Variants in PEBP4 observed in about 807,000 individuals in gnomAD.
PEBP4 encodes phosphatidylethanolamine binding protein 4.
Under a neutral mutation model 23.9 loss-of-function variants are expected in PEBP4, and 22 were observed. The ratio of observed to expected loss-of-function variants is 0.92; its 90% CI spans 0.66 to 1.31. The LOEUF is 1.31. PEBP4 is among the 40% of genes most tolerant of loss of function. The pLI, the probability that PEBP4 is intolerant of heterozygous loss-of-function variation, is 0.00. For missense variants in PEBP4, 324 were observed against 281.7 expected, an observed-to-expected ratio of 1.15 and a Z score of -1.07; for synonymous variants, 112 against 99.3, an observed-to-expected ratio of 1.13 and a Z score of -0.76.
At chr8:22,725,069 G>A (rs551624265) in intron 5 of PEBP4, 113 bp from the exon 6 acceptor site, 12 of 706,840 alleles carry the variant, frequency 1.7e-5, no homozygotes, top group East Asian at 7.7e-5. Flanking sequence ...ATCAGCACTC[G>A]GCCCTGCAAA....
chr8:22,905,646 T>C (rs746270302), intron 3 of PEBP4, among the ~76,000 whole-genome samples: 8 of 152,210 alleles, frequency 5.3e-5, no homozygotes, highest in South Asian at 4.1e-4. Flanking sequence ...TGACCTTTAC[T>C]TCTCTAGGGG....
rs578022396 is a variant in PEBP4, at chr8:22,820,483, G to T, written c.259-2748C>A. Among the ~76,000 whole-genome samples the T allele has an allele frequency of 4.6e-5, 7 of 152,208 alleles. 1 individual carries two copies. The South Asian group carries it at 1.4e-3, about 32-fold the overall frequency. On this transcript the variant is annotated intron_variant, in intron 3 of 6. Transcript: ENST00000256404. ...CCGTCCTGGCCCTCCCCTTGACCGG[G>T]AGAGGCAGGCACACCCTGTTGTTCT...
At chr8:22,830,559 C>T (rs147517280) in intron 3 of PEBP4, among the ~76,000 whole-genome samples, 156 of 152,300 alleles carry the variant, frequency 1.0e-3, no homozygotes, top group South Asian at 1.7e-3. Flanking sequence ...TGTCCAATGA[C>T]CCACTTTCCA....
rs185825945 is a variant in PEBP4 at position 22,776,735 on chromosome 8, A to T, written c.357+40902T>A. Reference sequence around the variant, plus strand: ...TTGACTTAAGGAGCTAAGTGGCTTGATATGGATGGGAGAAGGAGAATGGTT... The same window carrying T: ...TTGACTTAAGGAGCTAAGTGGCTTGTTATGGATGGGAGAAGGAGAATGGTT... On this transcript the variant is annotated intron_variant, in intron 4 of 6. Transcript: ENST00000256404. 1.2e-3 allele frequency among the ~76,000 whole-genome samples: 184 copies of T among 150,646 alleles called. 1 individual carries two copies. The highest frequency in any genetic ancestry group is 4.4e-3 in the African/African-American group (178 of 40,812).
At chr8:22,930,016 C>T (rs1563265840), upstream of PEBP4, among the ~76,000 whole-genome samples, 1 of 152,226 alleles carries the variant, frequency 6.6e-6, no homozygotes, top group Non-Finnish European at 1.5e-5. Flanking sequence ...AGTCCACGCT[C>T]TTAACCACCT....
At chr8:22,807,791 C>G (rs1025160440) in intron 4 of PEBP4, among the ~76,000 whole-genome samples, 2 of 152,046 alleles carry the variant, frequency 1.3e-5, no homozygotes, top group African/African-American at 4.8e-5. Context: ...TACCAAACCT[C>G]CACCTCCATC....
At chr8:22,836,434 A>G (rs1325480824) in intron 3 of PEBP4, among the ~76,000 whole-genome samples, 1 of 152,226 alleles carries the variant, frequency 6.6e-6, no homozygotes, top group African/African-American at 2.4e-5. Flanking sequence ...AGGTCTCTGG[A>G]CACTTGTGCA....
chr8:22,920,185 T>C lies in PEBP4; in HGVS notation c.257A>G (p.Asp86Gly). ...EPIVKFPGAVDGATYILVMVD... is the reference protein window; with the variant it reads ...EPIVKFPGAVGGATYILVMVD... ...TTTAACACAGCCCTGCTCACTCACGTCCACGGCCCCCGGGAACTTGACTAT... is the reference window on the plus strand; with the variant it reads ...TTTAACACAGCCCTGCTCACTCACGCCCACGGCCCCCGGGAACTTGACTAT... Residue 86 changes from aspartate to glycine, a missense_variant and splice_region_variant, in exon 3 of 7, where the codon GAC (aspartate) becomes GGC (glycine). Coordinates refer to ENST00000256404, the MANE Select transcript of PEBP4 (RefSeq NM_144962.3). The C allele has an allele frequency of 6.2e-7, 1 of 1,609,972 alleles. No homozygotes were observed. Among genetic ancestry groups the C allele is most frequent in the Non-Finnish European group, 8.5e-7 (1 of 1,177,138 alleles).
intron 3 of PEBP4, among the ~76,000 whole-genome samples, chr8:22,830,778 TC>T (rs1408019153): frequency 3.3e-5 from 5 of 151,780 alleles, no homozygotes; most frequent in African/African-American, 1.2e-4. Context: ...TCCACCCATT[TC>T]CCCCCTATCA....
At chr8:22,939,929 A>T (rs1809586506) in intron 1 of PEBP4, among the ~76,000 whole-genome samples, 1 of 152,148 alleles carries the variant, frequency 6.6e-6, no homozygotes, top group East Asian at 1.9e-4. Context: ...TAATAAGCCC[A>T]TTTCATTAAC....
chr8:22,724,840 T>C lies in PEBP4; in HGVS notation c.517+3A>G, dbSNP rs771082716. 4 of 1,607,784 alleles carry C rather than the reference T, an allele frequency of 2.5e-6. No homozygotes were observed. Among genetic ancestry groups the C allele is most frequent in the South Asian group, 2.2e-5 (2 of 90,940 alleles). On this transcript the variant is annotated splice_donor_region_variant and intron_variant, in intron 6 of 6. Transcript: ENST00000256404. The stretch of plus-strand genomic sequence containing the variant: ...GGTGGCTGGAAGGATGGGGAGGTCT[T>C]ACCTCGAGTTTTGTTTTCCTTGGGA...
At chr8:22,756,239 C>A (rs1161272209) in intron 4 of PEBP4, among the ~76,000 whole-genome samples, 1 of 152,212 alleles carries the variant, frequency 6.6e-6, no homozygotes, top group Non-Finnish European at 1.5e-5. Context: ...CTCCTTCTGG[C>A]CTCGCAGGGC....
At chr8:22,799,846 A>T (rs1361715805) in intron 4 of PEBP4, among the ~76,000 whole-genome samples, 2 of 152,204 alleles carry the variant, frequency 1.3e-5, no homozygotes, top group East Asian at 3.9e-4. Context: ...CAGCCATCCC[A>T]TTACTGGGTA....
chr8:22,802,550 A>G (rs1272288146), intron 4 of PEBP4, among the ~76,000 whole-genome samples: 1 of 152,220 alleles, frequency 6.6e-6, no homozygotes, highest in Non-Finnish European at 1.5e-5. Flanking sequence ...ACTGGTTCCA[A>G]CCACAGGTCA....
intron 4 of PEBP4, among the ~76,000 whole-genome samples, chr8:22,785,427 T>C (rs1001096066): frequency 1.9e-4 from 29 of 152,104 alleles, no homozygotes; most frequent in Non-Finnish European, 3.4e-4. Flanking sequence ...AGACCCCAGA[T>C]GTCCTCCAAT....
chr8:22,835,338 C>T (rs908260029), intron 3 of PEBP4, among the ~76,000 whole-genome samples: 2 of 152,144 alleles, frequency 1.3e-5, no homozygotes, highest in African/African-American at 2.4e-5. Flanking sequence ...TTTTTTCCAC[C>T]GGCCCCTGGA....
At chr8:22,774,457 G>A (rs1038207081) in intron 4 of PEBP4, among the ~76,000 whole-genome samples, 1 of 152,230 alleles carries the variant, frequency 6.6e-6, no homozygotes, top group Admixed American at 6.5e-5. Flanking sequence ...GGATGTCACA[G>A]TACTCTTCAG....
At chr8:22,873,207 A>AGTCTTAGTT (rs1172487978) in intron 3 of PEBP4, among the ~76,000 whole-genome samples, 2 of 152,266 alleles carry the variant, frequency 1.3e-5, no homozygotes, top group Non-Finnish European at 2.9e-5. Flanking sequence ...AACCCATTAG[A>AGTCTTAGTT]GTCTTAGTTA....
At chr8:22,890,339 C>T (rs1418690335) in intron 3 of PEBP4, among the ~76,000 whole-genome samples, 4 of 152,196 alleles carry the variant, frequency 2.6e-5, no homozygotes, top group Admixed American at 1.3e-4. Context: ...CAGGGAATGC[C>T]GATGCTGCTG....
Sources: gnomAD v4.1 joint callset for allele counts (sites outside exome capture counted in the v4.1 genomes callset) on GRCh38, gnomAD v4.1.1 for gene constraint, MANE v1.5 for transcripts, NCBI Gene and HGNC (gene_info 2026-07-23, HGNC 2026-07-21) for gene names.